CACNG4: variants seen among roughly 807,000 people sequenced by gnomAD.
CACNG4 encodes the protein calcium voltage-gated channel auxiliary subunit gamma 4.
Under a neutral mutation model 22.9 loss-of-function variants are expected in CACNG4, and 8 were observed. The ratio of observed to expected loss-of-function variants is 0.35; its 90% confidence interval spans 0.21 to 0.63. The LOEUF is 0.63. Among genes scored for constraint, CACNG4 ranks in the 30% least tolerant of loss-of-function variants. The pLI is 0.72. For missense variants in CACNG4, 357 were observed against 455.4 expected (o/e 0.78, Z 1.97); for synonymous variants, 188 against 191.9 (o/e 0.98, Z 0.17).
chr17:67,003,219 G>T (rs780657860), intron 1 of CACNG4, among the ~76,000 whole-genome samples: 1 of 151,824 alleles, frequency 6.6e-6, no homozygotes. Flanking sequence ...ATCACCCTCG[G>T]TTTATCCCCA....
intron 1 of CACNG4, among the ~76,000 whole-genome samples, chr17:66,971,824 CAG>C (rs2035206679): frequency 6.6e-6 from 1 of 152,140 alleles, no homozygotes; most frequent in Non-Finnish European, 1.5e-5. Flanking sequence ...GCTCTGAGGT[CAG>C]GGTCAGAAGC....
chr17:67,021,349 G>A (rs1301664227), intron 2 of CACNG4, among the ~76,000 whole-genome samples: 1 of 152,256 alleles, frequency 6.6e-6, no homozygotes, highest in African/African-American at 2.4e-5. Flanking sequence ...TGGTGGGGCT[G>A]CCTGCAGGAT....
At chr17:67,012,045 T>C (rs542733628) in intron 1 of CACNG4, among the ~76,000 whole-genome samples, 1 of 152,284 alleles carries the variant, frequency 6.6e-6, no homozygotes, top group Admixed American at 6.5e-5. Flanking sequence ...AAAAACCAGC[T>C]GGGCCTCACC....
Position 66,964,838 on chromosome 17 carries a change from C to T in CACNG4, c.-74C>T. The T allele has an allele frequency of 3.4e-6, 3 of 885,618 alleles. No homozygotes were observed. The highest frequency in any genetic ancestry group is 2.8e-6 in the Non-Finnish European group (2 of 720,918). 54.9% of individuals were successfully genotyped at this position (885,618 alleles called of 1,614,324 possible). On this transcript the variant is annotated 5_prime_UTR_variant, in exon 1 of 4. Coordinates refer to ENST00000262138, the MANE Select transcript of CACNG4 (RefSeq NM_014405.4). ...CCCCCCAACCCCGGCGCCCCCGGAG[C>T]GGCGCGCGGAGGGAGGAGGGCGGGC... is the stretch of plus-strand genomic sequence containing the variant.
At chr17:67,009,169 GC>G (rs2143339120) in intron 1 of CACNG4, among the ~76,000 whole-genome samples, 1 of 152,284 alleles carries the variant, frequency 6.6e-6, no homozygotes, top group African/African-American at 2.4e-5. Context: ...CTCCCTCACA[GC>G]CCTCAGGAGG....
chr17:67,027,329 C>T lies in CACNG4; in HGVS notation c.445+2329C>T, dbSNP rs1406590698. Among the ~76,000 whole-genome samples, 4 of 152,176 alleles carry T rather than the reference C, an allele frequency of 2.6e-5. No homozygotes were observed. The highest frequency in any genetic ancestry group is 9.7e-5 in the African/African-American group (4 of 41,442). ...TGGAGCCTGGACCCAGAGCCCTAGCCGAAGAAAATGAGTCCAGGCAGAGAA... is the reference window on the plus strand; with the variant it reads ...TGGAGCCTGGACCCAGAGCCCTAGCTGAAGAAAATGAGTCCAGGCAGAGAA... On this transcript the variant is annotated intron_variant, in intron 3 of 3. Transcript: ENST00000262138. This position sits in a 1 kb window ranked among gnomAD's most constrained non-coding sequence, Gnocchi z 4.3.
At chr17:67,003,754 C>T (rs549085096) in intron 1 of CACNG4, among the ~76,000 whole-genome samples, 22 of 152,170 alleles carry the variant, frequency 1.4e-4, no homozygotes, top group Non-Finnish European at 2.6e-4. Context: ...CTGTAGAGAA[C>T]CTTGCACTAG....
At chr17:66,985,003 A>G (rs1365074184) in intron 1 of CACNG4, among the ~76,000 whole-genome samples, 1 of 152,028 alleles carries the variant, frequency 6.6e-6, no homozygotes. Context: ...GTGGCAGGGG[A>G]CTGACATGGT....
At chr17:66,969,227 C>T (rs1281131496) in intron 1 of CACNG4, among the ~76,000 whole-genome samples, 1 of 152,160 alleles carries the variant, frequency 6.6e-6, no homozygotes, top group African/African-American at 2.4e-5. Flanking sequence ...GTGCCACATG[C>T]CAAAGCCCTG....
intron 1 of CACNG4, among the ~76,000 whole-genome samples, chr17:67,007,004 G>A (rs1460128849): frequency 6.6e-6 from 1 of 152,086 alleles, no homozygotes; most frequent in Non-Finnish European, 1.5e-5. Context: ...GTAAAACCCT[G>A]TCTCCACTAA....
Position 67,030,780 on chromosome 17 carries a change from C to T in CACNG4, c.760C>T (p.Pro254Ser). The T allele has an allele frequency of 1.2e-6, 2 of 1,614,212 alleles. No homozygotes were observed. The highest frequency in any genetic ancestry group is 1.1e-5 in the South Asian group (1 of 91,080). ...RSSSRSTEAS[P>S]SRDVSPMGLK... is the part of the protein sequence containing the mutation. ...CAGCTCAAGGTCCACCGAGGCCTCG[C>T]CCTCCAGGGACGTGTCGCCCATGGG... The change falls in exon 4 of 4, where the codon CCC becomes TCC. Residue 254 changes from proline (P) to serine (S), a missense_variant. Transcript: ENST00000262138. This position sits in a 1 kb window ranked among gnomAD's most constrained non-coding sequence, Gnocchi z 6.4.
chr17:66,983,762 G>A (rs1017048772), intron 1 of CACNG4, among the ~76,000 whole-genome samples: 1 of 152,208 alleles, frequency 6.6e-6, no homozygotes, highest in Non-Finnish European at 1.5e-5. Context: ...TTTTGCAGGG[G>A]CTGCCACCCA....
At chr17:66,965,381 C>T (rs2035163167) in intron 1 of CACNG4, among the ~76,000 whole-genome samples, 1 of 150,026 alleles carries the variant, frequency 6.7e-6, no homozygotes, top group South Asian at 2.1e-4. Context: ...CCCAGCACAC[C>T]GATCCCACAA....
In CACNG4 at chr17:67,032,150, G is replaced by C. The variant is rs907050992; in HGVS notation, c.*1146G>C. On this transcript the variant is annotated 3_prime_UTR_variant, in exon 4 of 4. Coordinates refer to ENST00000262138, the MANE Select transcript of CACNG4 (RefSeq NM_014405.4). ...TATTCTGCCACCACCTAACAGGACG[G>C]AGTGGAGTGAGTTTGGATAAACGGA... 12 of 377,170 alleles carry C rather than the reference G, an allele frequency of 3.2e-5. No homozygotes were observed. The highest frequency in any genetic ancestry group is 5.8e-5 in the Non-Finnish European group (11 of 191,040). The allele number at this position is 377,170 out of a possible 1,614,324, so 23.4% of individuals were successfully genotyped here.
chr17:67,031,925 A>G lies in CACNG4; in HGVS notation c.*921A>G, dbSNP rs190790284. ...CTCCCTCCAACTGGCATTTGGCAAC[A>G]GGAGCCTGGACTTCTGTGCAAGAAA... is the stretch of plus-strand genomic sequence containing the variant. On this transcript the variant is annotated 3_prime_UTR_variant, in exon 4 of 4. Coordinates refer to ENST00000262138, the MANE Select transcript of CACNG4 (RefSeq NM_014405.4). The surrounding 1 kb of genome is among the most constrained non-coding windows in gnomAD (Gnocchi z 4.0). The G allele has an allele frequency of 8.8e-5, 40 of 456,756 alleles. No individual in the cohort carries two copies. In the East Asian group the frequency reaches 2.4e-3, roughly 28 times the overall value. 28.3% of individuals were successfully genotyped at this position (456,756 alleles called of 1,614,324 possible). A position where few individuals can be genotyped will look rare whatever the true frequency, so the allele number is the denominator to read the frequency against.
chr17:67,032,025 C>G lies in CACNG4; in HGVS notation c.*1021C>G, dbSNP rs974094031. The G allele has an allele frequency of 8.9e-6, 4 of 451,114 alleles. No homozygotes were observed. In the Admixed American group the frequency reaches 9.7e-5, roughly 11 times the overall value. The allele number at this position is 451,114 out of a possible 1,614,324, so 27.9% of individuals were successfully genotyped here. On this transcript the variant is annotated 3_prime_UTR_variant, in exon 4 of 4. Transcript: ENST00000262138. The stretch of plus-strand genomic sequence containing the variant: ...ATCCATTTCCTAGGTGGTTACAAAT[C>G]ATAACTTCCTGCAAATCAACGCCAG...
At position 67,014,943 on chromosome 17, in the gene CACNG4, C is replaced by CAAA. The variant is rs1163062678; in HGVS notation, c.221-3232_221-3230dup. ...CAGAGCGAGACTCCATCTCCAAAAA[C>CAAA]AAAAAAAAAAAAAAAAGAAAGAAAG... On this transcript the variant is annotated intron_variant, in intron 1 of 3. Coordinates refer to ENST00000262138, the MANE Select transcript of CACNG4 (RefSeq NM_014405.4). 3.4e-4 allele frequency among the ~76,000 whole-genome samples: 32 copies of CAAA among 95,360 alleles called. 1 individual carries two copies. Among genetic ancestry groups the CAAA allele is most frequent in the South Asian group, 7.0e-4 (2 of 2,874 alleles). 62.6% of individuals were successfully genotyped at this position (95,360 alleles called of 152,430 possible).
At position 66,965,059 on chromosome 17, in the gene CACNG4, G is replaced by T. The variant is rs1467171307; in HGVS notation, c.148G>T (p.Asp50Tyr). The change falls in exon 1 of 4, where the codon GAC becomes TAC. Residue 50 changes from aspartate (D) to tyrosine (Y), a missense_variant. This residue lies in a region of CACNG4 where 114 missense variants were observed against 161.6 expected (regional missense o/e 0.71). Coordinates refer to ENST00000262138, the MANE Select transcript of CACNG4 (RefSeq NM_014405.4). ...CAACGGCACCAACCTGACCATGGAC[G>T]ACGGGCCCCCGCCCCGCCGCGCCCG... ...ICNGTNLTMDDGPPPRRARGD... is the reference protein window; with the variant it reads ...ICNGTNLTMDYGPPPRRARGD... 1 of 1,590,282 alleles carries T rather than the reference G, an allele frequency of 6.3e-7. No homozygotes were observed. The highest frequency in any genetic ancestry group is 8.6e-7 in the Non-Finnish European group (1 of 1,169,104).
rs76370165 is a variant in CACNG4, at chr17:67,027,661, A to G, written c.445+2661A>G. ...TTGTTATTTAAGAAACCCTTTTCCA[A>G]CTCGTGCTGAATACAGAGAGGGGAA... On this transcript the variant is annotated intron_variant, in intron 3 of 3. Transcript: ENST00000262138. The surrounding 1 kb of genome is among the most constrained non-coding windows in gnomAD (Gnocchi z 4.3). Among the ~76,000 whole-genome samples the G allele has an allele frequency of 0.075, 11,343 of 152,234 alleles. 503 individuals are homozygous for G. Among genetic ancestry groups the G allele is most frequent in the Admixed American group, 0.11 (1,733 of 15,286 alleles).
Sources: allele counts gnomAD v4.1 joint callset (sites outside exome capture counted in the v4.1 genomes callset), GRCh38; gene constraint gnomAD v4.1.1; regional missense constraint gnomAD v4.1.1; non-coding constraint Gnocchi (gnomAD v3.1); transcripts MANE v1.5; gene names NCBI Gene and HGNC (gene_info 2026-07-23, HGNC 2026-07-21).